The following CWF19L2 variants were observed in gnomAD, a reference collection of about 807,000 sequenced individuals.
CWF19L2 encodes CWF19-like protein 2.
CWF19L2 carries 98 observed loss-of-function variants against 111.7 expected under a neutral mutation model. The observed-to-expected ratio is 0.88, with a 90% CI of 0.75 to 1.04. CWF19L2 has a LOEUF of 1.04. CWF19L2 is among the 50% of genes least tolerant of loss of function. CWF19L2 has a pLI of 0.00. For missense variants in CWF19L2, 1,101 were observed against 1,051.4 expected, an observed-to-expected ratio of 1.05 and a Z score of -0.65; for synonymous variants, 351 against 342.9, an observed-to-expected ratio of 1.02 and a Z score of -0.26.
chr11:107,410,745 A>C (rs1861145060), intron 10 of CWF19L2, among the ~76,000 whole-genome samples: 1 of 152,200 alleles, frequency 6.6e-6, no homozygotes, highest in Non-Finnish European at 1.5e-5. Context: ...AATGTTATTT[A>C]ACAGAATACC....
intron 12 of CWF19L2, among the ~76,000 whole-genome samples, chr11:107,389,047 A>G (rs552122243): frequency 3.2e-4 from 48 of 152,332 alleles, no homozygotes; most frequent in African/African-American, 1.1e-3. Context: ...ACTTTATCTT[A>G]GTTTTCATTA....
In CWF19L2 at chr11:107,347,184, T is replaced by C. The variant is rs559472863; in HGVS notation, c.2202+1753A>G. On this transcript the variant is annotated intron_variant, in intron 14 of 17. Transcript: ENST00000282251. Reference sequence around the variant, plus strand: ...TTTGAAATCTGTGATTACTCAAGTATGCTATGCTAAAACATCTTCGCATTT... The same window carrying C: ...TTTGAAATCTGTGATTACTCAAGTACGCTATGCTAAAACATCTTCGCATTT... Among the ~76,000 whole-genome samples the C allele has an allele frequency of 5.3e-5, 8 of 152,340 alleles. No homozygotes were observed. The South Asian group carries it at 1.7e-3, about 32-fold the overall frequency.
At chr11:107,418,481 C>T (rs1224364258) in intron 8 of CWF19L2, among the ~76,000 whole-genome samples, 194 bp from the exon 9 acceptor site, 2 of 152,152 alleles carry the variant, frequency 1.3e-5, no homozygotes, top group East Asian at 1.9e-4. Context: ...AATGCCACAA[C>T]CACCTATGGC....
intron 16 of CWF19L2, among the ~76,000 whole-genome samples, chr11:107,330,733 T>C (rs1310603618): frequency 6.6e-6 from 1 of 151,688 alleles, no homozygotes; most frequent in Non-Finnish European, 1.5e-5. Flanking sequence ...ATTCTTGTTT[T>C]CTCTATCAAT....
intron 6 of CWF19L2, among the ~76,000 whole-genome samples, chr11:107,437,759 C>T (rs376612277): frequency 1.3e-5 from 2 of 152,120 alleles, no homozygotes. Context: ...AGTAAAGAAC[C>T]TGTCAACTGG....
At chr11:107,371,335 G>A (rs890859558) in intron 12 of CWF19L2, among the ~76,000 whole-genome samples, 1 of 137,416 alleles carries the variant, frequency 7.3e-6, no homozygotes, top group African/African-American at 2.9e-5. Context: ...AATGGGTCAT[G>A]CATATTATGC....
intron 10 of CWF19L2, among the ~76,000 whole-genome samples, chr11:107,412,536 T>C (rs1297385290): frequency 6.6e-6 from 1 of 152,202 alleles, no homozygotes; most frequent in Non-Finnish European, 1.5e-5. Context: ...AGACAGGGTT[T>C]TGCCATGTTG....
At chr11:107,407,757 T>C (rs1333887360) in intron 10 of CWF19L2, among the ~76,000 whole-genome samples, 1 of 152,034 alleles carries the variant, frequency 6.6e-6, no homozygotes, top group African/African-American at 2.4e-5. Context: ...AGATCATTAA[T>C]AAATATATAA....
intron 12 of CWF19L2, among the ~76,000 whole-genome samples, chr11:107,362,175 G>C (rs372420361): frequency 6.9e-6 from 1 of 144,360 alleles, no homozygotes; most frequent in Non-Finnish European, 1.5e-5. Context: ...AGGGTCCTAC[G>C]CCCACGGAGT....
At chr11:107,401,722 G>GA (rs773676281) in intron 10 of CWF19L2, among the ~76,000 whole-genome samples, 2 of 151,800 alleles carry the variant, frequency 1.3e-5, no homozygotes, top group Non-Finnish European at 2.9e-5. Flanking sequence ...CACAGAATTA[G>GA]AAAAAAACAA....
intron 10 of CWF19L2, among the ~76,000 whole-genome samples, chr11:107,411,063 T>A (rs577814775): frequency 1.4e-5 from 2 of 141,254 alleles, no homozygotes; most frequent in Admixed American, 1.4e-4. Context: ...TTTATAAGAG[T>A]GTGGTGTGTG....
intron 12 of CWF19L2, among the ~76,000 whole-genome samples, chr11:107,386,259 C>T (rs1468358212): frequency 6.6e-6 from 1 of 152,032 alleles, no homozygotes; most frequent in African/African-American, 2.4e-5. Flanking sequence ...AGTAATCCTC[C>T]CACCTTGGCC....
At position 107,349,032 on chromosome 11, in the gene CWF19L2, C is replaced by CG; in HGVS notation, c.2106dup (p.Val703ArgfsTer6). 6.2e-7 allele frequency: 1 copy of CG among 1,602,092 alleles called. No individual in the cohort carries two copies. Among genetic ancestry groups the CG allele is most frequent in the Non-Finnish European group, 8.5e-7 (1 of 1,171,806 alleles). On this transcript the variant is annotated frameshift_variant, in exon 14 of 18. Coordinates refer to ENST00000282251, the MANE Select transcript of CWF19L2 (RefSeq NM_152434.3). LOFTEE classifies it high-confidence loss of function. ...CAGTGCCCCTCAGTAAGAGACCGTA[C>CG]GTTGGGTAAACATAAATAAACCTAT...
chr11:107,453,361 C>G (rs1861805100), intron 3 of CWF19L2, among the ~76,000 whole-genome samples: 1 of 152,066 alleles, frequency 6.6e-6, no homozygotes. Context: ...CTTACACCAC[C>G]TCTCCCCCAA....
chr11:107,350,892 T>G (rs1303132539), intron 13 of CWF19L2, among the ~76,000 whole-genome samples: 1 of 152,052 alleles, frequency 6.6e-6, no homozygotes, highest in East Asian at 1.9e-4. Flanking sequence ...GAAAAGCATG[T>G]GAGGAGGATG....
intron 10 of CWF19L2, among the ~76,000 whole-genome samples, chr11:107,400,921 CA>C (rs938461547): frequency 1.2e-4 from 19 of 152,170 alleles, no homozygotes; most frequent in African/African-American, 3.9e-4. Flanking sequence ...ATACACAAGT[CA>C]ATAAATGTGA....
intron 5 of CWF19L2, among the ~76,000 whole-genome samples, chr11:107,440,456 A>G (rs1861605554): frequency 6.6e-6 from 1 of 152,172 alleles, no homozygotes; most frequent in South Asian, 2.1e-4. Context: ...TACAGATTTG[A>G]TTTCTTAGTT....
chr11:107,441,652 G>C (rs570809087), intron 4 of CWF19L2, 30 bp from the exon 5 acceptor site: 1 of 1,494,730 alleles, frequency 6.7e-7, no homozygotes, highest in East Asian at 2.5e-5. Flanking sequence ...AAAATCAACA[G>C]TCATCCACTC....
rs1292119355 is a variant in CWF19L2 at position 107,329,972 on chromosome 11, T to A, written c.2487A>T (p.Gly829=). ...GATCTTCAATGACATGGGCAAACCC[T>A]CCGTGAAGGCCAAAATCCACAGAGA... ...PYFSVDFGLH[G]GFAHVIEDQH... is the part of the protein sequence containing the mutation. Residue 829 remains glycine (G), a synonymous_variant, in exon 17 of 18, where the codon GGA becomes GGT. Transcript: ENST00000282251. The A allele has an allele frequency of 6.3e-7, 1 of 1,591,404 alleles. No homozygotes were observed. The highest frequency in any genetic ancestry group is 1.2e-5 in the South Asian group (1 of 86,698).
Sources: gnomAD v4.1 joint callset for allele counts (sites outside exome capture counted in the v4.1 genomes callset) on GRCh38, gnomAD v4.1.1 for gene constraint, MANE v1.5 for transcripts, NCBI Gene and HGNC (gene_info 2026-07-23, HGNC 2026-07-21) for gene names.